CSMD1: variants seen among roughly 807,000 people sequenced by gnomAD.
CSMD1 encodes the protein CUB and sushi domain-containing protein 1.
CSMD1 carries 213 observed loss-of-function variants against 417.5 expected under a neutral mutation model. The ratio of observed to expected loss-of-function variants is 0.51; its 90% CI spans 0.46 to 0.57. The LOEUF (loss-of-function observed/expected upper bound fraction) is 0.57, where lower values mean the gene tolerates loss of function less well. Among genes scored for constraint, CSMD1 ranks in the 20% least tolerant of loss-of-function variants. The probability of loss-of-function intolerance (pLI) is 0.00; values close to 1 mark genes in which losing one functional copy is unlikely to be tolerated. For synonymous variants in CSMD1, 2,862 were observed against 1,736.8 expected, an observed-to-expected ratio of 1.65 and a Z score of -16.11; for missense variants, 6,923 against 4,529.7, an observed-to-expected ratio of 1.53 and a Z score of -15.17.
intron 3 of CSMD1, among the ~76,000 whole-genome samples, chr8:4,315,454 A>T (rs1324152957): frequency 2.0e-5 from 3 of 152,006 alleles, no homozygotes; most frequent in Non-Finnish European, 4.4e-5. Context: ...AGTGAATGCA[A>T]AAAAAATATT....
At chr8:3,082,931 G>A (rs1814213310) in intron 49 of CSMD1, among the ~76,000 whole-genome samples, 1 of 152,094 alleles carries the variant, frequency 6.6e-6, no homozygotes, top group Non-Finnish European at 1.5e-5. Context: ...AACATCTGCG[G>A]GAAAAATAAA....
chr8:3,498,042 C>T (rs936197984), intron 10 of CSMD1, among the ~76,000 whole-genome samples: 2 of 152,176 alleles, frequency 1.3e-5, no homozygotes, highest in South Asian at 2.1e-4. Flanking sequence ...ATTCTTACAA[C>T]TCTAATGTAT....
At chr8:3,902,589 T>C (rs1479067261) in intron 5 of CSMD1, among the ~76,000 whole-genome samples, 1 of 151,952 alleles carries the variant, frequency 6.6e-6, no homozygotes, top group African/African-American at 2.4e-5. Flanking sequence ...GGGTTCACGA[T>C]CCTATGAAAA....
At chr8:4,619,594 T>A (rs1466652879) in intron 2 of CSMD1, among the ~76,000 whole-genome samples, 1 of 152,112 alleles carries the variant, frequency 6.6e-6, no homozygotes, top group Admixed American at 6.6e-5. Flanking sequence ...ATACATCCAG[T>A]TATATTTTCC....
chr8:2,956,164 A>C (rs1802995428), intron 63 of CSMD1, among the ~76,000 whole-genome samples: 1 of 152,126 alleles, frequency 6.6e-6, no homozygotes, highest in African/African-American at 2.4e-5. Context: ...CAGTCTTATA[A>C]ATTATAGAGA....
At chr8:4,031,173 CT>C (rs1797325341) in intron 4 of CSMD1, among the ~76,000 whole-genome samples, 1 of 152,186 alleles carries the variant, frequency 6.6e-6, no homozygotes, top group South Asian at 2.1e-4. Context: ...GCTTCCACAT[CT>C]TTTGGTATCT....
intron 2 of CSMD1, among the ~76,000 whole-genome samples, chr8:4,635,301 A>T (rs969708853): frequency 1.3e-5 from 2 of 152,172 alleles, no homozygotes; most frequent in African/African-American, 4.8e-5. Flanking sequence ...AAAATGAAAT[A>T]TGTTTCTAAT....
At chr8:3,780,598 T>A (rs1241319416) in intron 5 of CSMD1, among the ~76,000 whole-genome samples, 5 of 152,198 alleles carry the variant, frequency 3.3e-5, no homozygotes, top group African/African-American at 1.2e-4. Flanking sequence ...CATCTAATAA[T>A]TCACTACAAC....
intron 5 of CSMD1, among the ~76,000 whole-genome samples, chr8:3,955,488 TCTCTA>T (rs1289237638): frequency 6.6e-6 from 1 of 152,168 alleles, no homozygotes; most frequent in Non-Finnish European, 1.5e-5. Flanking sequence ...TATGTCATTC[TCTCTA>T]CTCATGTTTG....
Position 4,031,956 on chromosome 8 carries a change from C to T in CSMD1, c.559G>A (p.Val187Ile), listed in dbSNP as rs186164788. 2.5e-4 allele frequency: 406 copies of T among 1,613,886 alleles called. No homozygotes were observed. The highest frequency in any genetic ancestry group is 8.8e-4 in the South Asian group (80 of 91,062). Residue 187 changes from valine (V) to isoleucine (I), a missense_variant, in exon 4 of 70, where the codon GTC becomes ATC. By Grantham distance (29) the Val-to-Ile change is conservative. Coordinates refer to ENST00000635120, the MANE Select transcript of CSMD1 (RefSeq NM_033225.6). ...CACGATGCACCATTTCCTGGGCTGACGATGCAGGTCAGGATGGCGTGGCCT... is the reference window on the plus strand; with the variant it reads ...CACGATGCACCATTTCCTGGGCTGATGATGCAGGTCAGGATGGCGTGGCCT... ...LEGHAILTCIVSPGNGASWDF... is the reference protein window; with the variant it reads ...LEGHAILTCIISPGNGASWDF...
chr8:4,233,858 C>A (rs1801886451), intron 3 of CSMD1, among the ~76,000 whole-genome samples: 5 of 151,792 alleles, frequency 3.3e-5, no homozygotes, highest in African/African-American at 4.8e-5. Flanking sequence ...TATAAAGAAT[C>A]TAATCCTGAG....
intron 3 of CSMD1, among the ~76,000 whole-genome samples, chr8:4,092,916 A>G (rs942965192): frequency 2.0e-5 from 3 of 152,086 alleles, no homozygotes; most frequent in Admixed American, 6.6e-5. Flanking sequence ...TTTTTTTAAT[A>G]TTTATTTCTC....
intron 41 of CSMD1, among the ~76,000 whole-genome samples, chr8:3,126,404 T>G (rs1447811823): frequency 6.6e-6 from 1 of 152,032 alleles, no homozygotes; most frequent in Non-Finnish European, 1.5e-5. Flanking sequence ...GGAATTAGGG[T>G]GAATCACTCT....
At chr8:3,782,280 A>T (rs542640424) in intron 5 of CSMD1, among the ~76,000 whole-genome samples, 1 of 152,322 alleles carries the variant, frequency 6.6e-6, no homozygotes, top group East Asian at 1.9e-4. Flanking sequence ...ATACTCATTG[A>T]CTTGCTTATA....
At chr8:3,913,622 G>T (rs573215546) in intron 5 of CSMD1, among the ~76,000 whole-genome samples, 3 of 152,318 alleles carry the variant, frequency 2.0e-5, no homozygotes, top group African/African-American at 7.2e-5. Flanking sequence ...TGTACTTAGG[G>T]AAGTGGTGGA....
intron 5 of CSMD1, among the ~76,000 whole-genome samples, chr8:3,767,840 C>G (rs1471348159): frequency 6.6e-6 from 1 of 152,004 alleles, no homozygotes; most frequent in African/African-American, 2.4e-5. Context: ...GTGGAAATGC[C>G]CAGTGGGTCA....
intron 40 of CSMD1, among the ~76,000 whole-genome samples, chr8:3,143,992 C>T (rs891832311): frequency 6.6e-6 from 1 of 152,116 alleles, no homozygotes; most frequent in African/African-American, 2.4e-5. Context: ...TAAAGTCATA[C>T]AAGAAAAACA....
chr8:4,762,381 T>A (rs1812169829), intron 1 of CSMD1, among the ~76,000 whole-genome samples: 1 of 152,126 alleles, frequency 6.6e-6, no homozygotes, highest in Non-Finnish European at 1.5e-5. Flanking sequence ...TTTAATAAAA[T>A]CCATTTTATC....
rs932899632 is a variant in CSMD1, at chr8:3,999,768, A to G, written c.611-1658T>C. Among the ~76,000 whole-genome samples, 19 of 152,184 alleles carry G rather than the reference A, an allele frequency of 1.2e-4. 1 individual carries two copies. The highest frequency in any genetic ancestry group is 4.1e-4 in the African/African-American group (17 of 41,506). Reference sequence around the variant, plus strand: ...GAGGTACACTTGGAGGAAAATTACTACCTTCAAGTATGAACGAAATCAAGA... The same window carrying G: ...GAGGTACACTTGGAGGAAAATTACTGCCTTCAAGTATGAACGAAATCAAGA... On this transcript the variant is annotated intron_variant, in intron 4 of 69. Coordinates refer to ENST00000635120, the MANE Select transcript of CSMD1 (RefSeq NM_033225.6).
Sources: gnomAD v4.1 joint callset for allele counts (sites outside exome capture counted in the v4.1 genomes callset) on GRCh38, gnomAD v4.1.1 for gene constraint, MANE v1.5 for transcripts, NCBI Gene and HGNC (gene_info 2026-07-23, HGNC 2026-07-21) for gene names.